The following ZFR2 variants were observed in gnomAD, a reference collection of about 807,000 sequenced individuals.
ZFR2 encodes zinc finger RNA binding protein 2, also known as zinc finger RNA-binding protein 2.
A neutral mutation model predicts 105.7 loss-of-function variants in ZFR2; 104 were observed. That is an observed-to-expected ratio of 0.98 (90% CI 0.84 to 1.16). The LOEUF is 1.16. Among genes scored for constraint, ZFR2 ranks in the 50% most tolerant of loss-of-function variants. The pLI is 0.00. For missense variants in ZFR2, 1,425 were observed against 1,355.5 expected, an observed-to-expected ratio of 1.05 and a Z score of -0.80; for synonymous variants, 634 against 597.7, an observed-to-expected ratio of 1.06 and a Z score of -0.89.
chr19:3,834,822 C>G lies in ZFR2; in HGVS notation c.215G>C (p.Ser72Thr), dbSNP rs1046137157. The G allele has an allele frequency of 6.8e-6, 11 of 1,611,760 alleles. No homozygotes were observed. The South Asian group carries it at 1.2e-4, about 18-fold the overall frequency. ...CGTGGGGACGGGCTCCTGGGGTCGG[C>G]TGCCGTAGGCGAAGTCCTGGCCGGA... The part of the protein sequence containing the change: ...PHSGQDFAYG[S>T]RPQEPVPTAT... Residue 72 changes from serine (S) to threonine (T), a missense_variant, in exon 2 of 19, where the codon AGC becomes ACC. Ser to Thr is a moderately conservative substitution (Grantham distance 58). Transcript: ENST00000262961. This position sits in a 1 kb window ranked among gnomAD's most constrained non-coding sequence, Gnocchi z 5.3.
Position 3,823,329 on chromosome 19 carries a change from C to T in ZFR2, c.1288G>A (p.Gly430Arg), listed in dbSNP as rs377601736. 1.8e-5 allele frequency: 29 copies of T among 1,613,844 alleles called. 1 individual carries two copies. Among genetic ancestry groups the T allele is most frequent in the South Asian group, 9.9e-5 (9 of 91,088 alleles). The change falls in exon 8 of 19, where the codon GGA becomes AGA. Residue 430 changes from glycine to arginine, a missense_variant. By Grantham distance (125) the Gly-to-Arg change is moderately radical. Coordinates refer to ENST00000262961, the MANE Select transcript of ZFR2 (RefSeq NM_015174.2). The surrounding 1 kb of genome is among the most constrained non-coding windows in gnomAD (Gnocchi z 5.4). ...KPAQPKLEGP[G>R]APTQGGSKEA... ...TTTGAGCCTCCTTGGGTAGGTGCTC[C>T]GGGACCCTCTAATTTAGGTTGGGCT...
At chr19:3,830,218 C>T (rs1028651158) in intron 5 of ZFR2, among the ~76,000 whole-genome samples, 3 of 151,992 alleles carry the variant, frequency 2.0e-5, no homozygotes, top group Non-Finnish European at 2.9e-5. Context: ...GTAGGAGGAT[C>T]GCTTGGGCCC....
chr19:3,841,455 C>T (rs1440865707), intron 1 of ZFR2, among the ~76,000 whole-genome samples: 4 of 152,106 alleles, frequency 2.6e-5, no homozygotes, highest in African/African-American at 4.8e-5. Flanking sequence ...GAGGCTAAGG[C>T]GAGAGGACTG....
At position 3,838,428 on chromosome 19, in the gene ZFR2, T is replaced by G. The variant is rs1020610858; in HGVS notation, c.54-3445A>C. Among the ~76,000 whole-genome samples the G allele has an allele frequency of 1.3e-5, 2 of 152,108 alleles. No homozygotes were observed. The highest frequency in any genetic ancestry group is 4.8e-5 in the African/African-American group (2 of 41,416). ...GACCGATGAGCCAAAGAGAGGAAGG[T>G]GGAAGGTTCCATACGGGAGCTGGGG... On this transcript the variant is annotated intron_variant, in intron 1 of 18. Coordinates refer to ENST00000262961, the MANE Select transcript of ZFR2 (RefSeq NM_015174.2). The surrounding 1 kb of genome is among the most constrained non-coding windows in gnomAD (Gnocchi z 4.9).
chr19:3,869,034 A>C lies in ZFR2; in HGVS notation c.-17T>G. On this transcript the variant is annotated 5_prime_UTR_variant, in exon 1 of 19. Transcript: ENST00000262961. ...CGTCGCCATCTTGGCGTCTTCCCCG[A>C]GCCTGGCGGACCCGCGACGTCACCC... The C allele has an allele frequency of 7.4e-7, 1 of 1,343,298 alleles. No individual in the cohort carries two copies. The highest frequency in any genetic ancestry group is 2.0e-5 in the South Asian group (1 of 50,606). 83.2% of individuals were successfully genotyped at this position (1,343,298 alleles called of 1,614,324 possible). A position where few individuals can be genotyped will look rare whatever the true frequency, so the allele number is the denominator to read the frequency against.
chr19:3,808,346 A>C (rs2037725748), intron 17 of ZFR2, among the ~76,000 whole-genome samples: 1 of 152,228 alleles, frequency 6.6e-6, no homozygotes. Flanking sequence ...ACTTGCTATC[A>C]TCCTATGTCA....
At chr19:3,818,102 G>A (rs935529493) in intron 12 of ZFR2, among the ~76,000 whole-genome samples, 3 of 152,286 alleles carry the variant, frequency 2.0e-5, no homozygotes, top group African/African-American at 2.4e-5. Flanking sequence ...ACGTGTGAAC[G>A]TGCTTCATGC....
chr19:3,822,033 C>A, intron 9 of ZFR2, 48 bp downstream of exon 9: 1 of 1,548,566 alleles, frequency 6.5e-7, no homozygotes, highest in Non-Finnish European at 8.7e-7. Context: ...GCCCGCCGGG[C>A]CCTAGCACAG....
Position 3,831,681 on chromosome 19 carries a change from G to C in ZFR2, c.577C>G (p.Pro193Ala). ...TTACCCGTGTAGGCGGTGCAGGTGG[G>C]GTTGTAGGAGGGCGGGGGGTAGGAG... Reference protein sequence around the residue: ...VTSYPPPSYNPTCTAYTAPSY... With the variant: ...VTSYPPPSYNATCTAYTAPSY... The change falls in exon 4 of 19, where the codon CCC (proline) becomes GCC (alanine). Residue 193 changes from proline (P) to alanine (A), a missense_variant. Transcript: ENST00000262961. 3 of 1,564,958 alleles carry C rather than the reference G, an allele frequency of 1.9e-6. No individual in the cohort carries two copies. The highest frequency in any genetic ancestry group is 2.6e-6 in the Non-Finnish European group (3 of 1,153,294).
intron 17 of ZFR2, among the ~76,000 whole-genome samples, chr19:3,808,313 C>T (rs971456994): frequency 7.2e-5 from 11 of 152,358 alleles, no homozygotes; most frequent in African/African-American, 1.4e-4. Context: ...GGCAATGGGC[C>T]GAAAGCTTCA....
Position 3,833,709 on chromosome 19 carries a change from C to T in ZFR2, c.334G>A (p.Ala112Thr), listed in dbSNP as rs1174730753. The change falls in exon 3 of 19, where the codon GCC becomes ACC. Residue 112 changes from alanine to threonine, a missense_variant. Transcript: ENST00000262961. ...GCTGTCATGCGCCCAGACTGGAGGG[C>T]AGCAGACTGGAAGTACGGCCTGTCC... is the stretch of plus-strand genomic sequence containing the variant. ...YEDRPYFQSA[A>T]LQSGRMTAAD... 5 of 1,578,368 alleles carry T rather than the reference C, an allele frequency of 3.2e-6. No homozygotes were observed. The highest frequency in any genetic ancestry group is 1.8e-5 in the Admixed American group (1 of 55,134).
intron 12 of ZFR2, among the ~76,000 whole-genome samples, chr19:3,818,269 C>G (rs746925541): frequency 4.6e-5 from 7 of 152,066 alleles, no homozygotes; most frequent in African/African-American, 7.2e-5. Context: ...AGTTCAAGAC[C>G]AGCCTGGCTA....
Position 3,823,464 on chromosome 19 carries a change from C to T in ZFR2, c.1214-61G>A. 1 of 1,509,470 alleles carries T rather than the reference C, an allele frequency of 6.6e-7. No homozygotes were observed. The highest frequency in any genetic ancestry group is 8.9e-7 in the Non-Finnish European group (1 of 1,129,552). The allele number at this position is 1,509,470 out of a possible 1,614,324, so 93.5% of individuals were successfully genotyped here. A position where few individuals can be genotyped will look rare whatever the true frequency, so the allele number is the denominator to read the frequency against. On this transcript the variant is annotated intron_variant, in intron 7 of 18. Transcript: ENST00000262961. This position sits in a 1 kb window ranked among gnomAD's most constrained non-coding sequence, Gnocchi z 5.4. ...CAGGAGAAAGCACTGCAGCTGCAGA[C>T]CCGCCAGGCGGCATGGGGTGGAGAG...
At chr19:3,850,735 CAA>C in intron 1 of ZFR2, among the ~76,000 whole-genome samples, 1 of 150,690 alleles carries the variant, frequency 6.6e-6, no homozygotes, top group African/African-American at 2.5e-5. Flanking sequence ...ACAACAACAA[CAA>C]CAACAACAAC....
Position 3,813,856 on chromosome 19 carries a change from A to T in ZFR2, c.2206T>A (p.Ser736Thr), listed in dbSNP as rs2145137289. Residue 736 changes from serine (S) to threonine (T), a missense_variant, in exon 14 of 19, where the codon TCA (serine) becomes ACA (threonine). Transcript: ENST00000262961. The surrounding 1 kb of genome is among the most constrained non-coding windows in gnomAD (Gnocchi z 4.4). ...GAGGGGTCCTCCCGCATCAGAGGTG[A>T]GGTGACAGATATGGTGACCTGCATC... ...PRMQVTISVT[S>T]PLMREDPSTD... 2 of 1,613,834 alleles carry T rather than the reference A, an allele frequency of 1.2e-6. No individual in the cohort carries two copies. The highest frequency in any genetic ancestry group is 4.5e-5 in the East Asian group (2 of 44,874).
Position 3,834,166 on chromosome 19 carries a change from G to A in ZFR2, c.265-388C>T, listed in dbSNP as rs1249333482. Among the ~76,000 whole-genome samples the A allele has an allele frequency of 6.6e-6, 1 of 152,196 alleles. No homozygotes were observed. The highest frequency in any genetic ancestry group is 2.4e-5 in the African/African-American group (1 of 41,454). On this transcript the variant is annotated intron_variant, in intron 2 of 18. Coordinates refer to ENST00000262961, the MANE Select transcript of ZFR2 (RefSeq NM_015174.2). This position sits in a 1 kb window ranked among gnomAD's most constrained non-coding sequence, Gnocchi z 5.3. ...GAGCTTGAGTGACAGGGTGGCCTCTGATGCCGTTGACCGACACAATCTGGG... is the reference window on the plus strand; with the variant it reads ...GAGCTTGAGTGACAGGGTGGCCTCTAATGCCGTTGACCGACACAATCTGGG...
intron 2 of ZFR2, 70 bp from the exon 3 acceptor site, chr19:3,833,848 G>A (rs937338304): frequency 6.7e-5 from 80 of 1,193,526 alleles, no homozygotes; most frequent in African/African-American, 3.5e-4. Flanking sequence ...GGTGCGACGC[G>A]CCCTGCCACA....
chr19:3,819,852 C>CAAAAGAAAAAAAAAAAA lies in ZFR2; in HGVS notation c.1740+329_1740+330insTTTTTTTTTTTTCTTTT, dbSNP rs373530026. Among the ~76,000 whole-genome samples, 7 of 138,686 alleles carry CAAAAGAAAAAAAAAAAA rather than the reference C, an allele frequency of 5.0e-5. 1 individual carries two copies. Among genetic ancestry groups the CAAAAGAAAAAAAAAAAA allele is most frequent in the Admixed American group, 7.2e-5 (1 of 13,890 alleles). The allele number at this position is 138,686 out of a possible 152,430, so 91.0% of individuals were successfully genotyped here. ...TGGGCGACAGAGTGAGACTCTGTCT[C>CAAAAGAAAAAAAAAAAA]AAAAAAAAATAGTTCCCATCGAACC... is the stretch of plus-strand genomic sequence containing the variant. On this transcript the variant is annotated intron_variant, in intron 11 of 18. Transcript: ENST00000262961.
chr19:3,830,962 CGCACACACAT>C (rs1046938458), intron 5 of ZFR2, among the ~76,000 whole-genome samples: 16 of 148,914 alleles, frequency 1.1e-4, no homozygotes, highest in East Asian at 2.1e-4. Context: ...CATACACACA[CGCACACACAT>C]GCACACACAT....
Sources: allele counts gnomAD v4.1 joint callset (sites outside exome capture counted in the v4.1 genomes callset), GRCh38; gene constraint gnomAD v4.1.1; non-coding constraint Gnocchi (gnomAD v3.1); transcripts MANE v1.5; gene names NCBI Gene and HGNC (gene_info 2026-07-23, HGNC 2026-07-21).